Variants in SV2C observed in about 807,000 individuals in gnomAD.
The protein encoded by SV2C is solute carrier family 22 member B3.
A neutral mutation model predicts 79.7 loss-of-function variants in SV2C; 49 were observed. That is an observed-to-expected ratio of 0.61 (90% confidence interval 0.49 to 0.78). The LOEUF (loss-of-function observed/expected upper bound fraction) is 0.78, where lower values mean the gene tolerates loss of function less well. Ranked by LOEUF, SV2C falls within the 30% of genes least tolerant of loss-of-function variation. The probability of loss-of-function intolerance (pLI) is 0.00; values close to 1 mark genes in which losing one functional copy is unlikely to be tolerated. For synonymous variants in SV2C, 334 were observed against 333.2 expected, an observed-to-expected ratio of 1.00 and a Z score of -0.03; for missense variants, 833 against 912.9, an observed-to-expected ratio of 0.91 and a Z score of 1.13.
At chr5:75,926,442 C>G in the SV2C span, among the ~76,000 whole-genome samples, 11 of 152,132 alleles carry the variant, frequency 7.2e-5, no homozygotes, top group Non-Finnish European at 1.0e-4. Flanking sequence ...TTTTTTGGTT[C>G]AAAGAGTGAT....
chr5:75,948,071 A>G, the SV2C span, among the ~76,000 whole-genome samples: 287 of 152,122 alleles, frequency 1.9e-3, 1 homozygote, highest in African/African-American at 6.7e-3. Flanking sequence ...CCCTGTTTAG[A>G]TAAAATGGCC....
At chr5:75,989,944 A>T in the SV2C span, among the ~76,000 whole-genome samples, 10 of 148,172 alleles carry the variant, frequency 6.7e-5, no homozygotes, top group Non-Finnish European at 1.2e-4. Context: ...TTCTTTTGGG[A>T]AGTGCCTGTT....
At chr5:76,303,992 G>T (rs1044346434) in intron 12 of SV2C, among the ~76,000 whole-genome samples, 1 of 152,134 alleles carries the variant, frequency 6.6e-6, no homozygotes, top group African/African-American at 2.4e-5. Flanking sequence ...GGAGACCCAG[G>T]GATCATGACA....
intron 4 of SV2C, among the ~76,000 whole-genome samples, chr5:76,220,723 G>C (rs1343095441): frequency 6.6e-6 from 1 of 152,108 alleles, no homozygotes; most frequent in Non-Finnish European, 1.5e-5. Context: ...AAGCAGTCTG[G>C]ATAGAGGCAG....
At chr5:76,352,536 G>T (rs1382028617) in intron 12 of SV2C, among the ~76,000 whole-genome samples, 1 of 152,138 alleles carries the variant, frequency 6.6e-6, no homozygotes, top group Non-Finnish European at 1.5e-5. Flanking sequence ...GGACTTTCTT[G>T]CTTTTCTTCT....
the SV2C span, among the ~76,000 whole-genome samples, chr5:75,853,813 A>G: frequency 2.6e-5 from 4 of 151,696 alleles, no homozygotes; most frequent in Non-Finnish European, 5.9e-5. Context: ...GTAAAGACTG[A>G]GTCTTTGAGA....
chr5:76,063,329 A>G, the SV2C span, among the ~76,000 whole-genome samples: 1 of 152,144 alleles, frequency 6.6e-6, no homozygotes, highest in Non-Finnish European at 1.5e-5. Context: ...ATACGTAGGT[A>G]TGTGTCCTAG....
the SV2C span, among the ~76,000 whole-genome samples, chr5:76,046,271 C>A: frequency 6.6e-6 from 1 of 151,486 alleles, no homozygotes; most frequent in Non-Finnish European, 1.5e-5. Flanking sequence ...AAAGGCCACC[C>A]CATCACTGTA....
At chr5:76,086,469 G>T (rs1436261342) in intron 1 of SV2C, among the ~76,000 whole-genome samples, 5 of 152,152 alleles carry the variant, frequency 3.3e-5, no homozygotes, top group African/African-American at 1.2e-4. Context: ...CTCTTTTTCT[G>T]TGCAGCTATA....
the SV2C span, among the ~76,000 whole-genome samples, chr5:76,063,285 G>A: frequency 6.6e-6 from 1 of 152,108 alleles, no homozygotes; most frequent in Admixed American, 6.6e-5. Context: ...TAGAGGGGAA[G>A]CTAGGAATTC....
At chr5:76,097,940 C>T (rs544702168) in intron 1 of SV2C, among the ~76,000 whole-genome samples, 23 of 152,182 alleles carry the variant, frequency 1.5e-4, no homozygotes, top group African/African-American at 4.1e-4. Context: ...AATGTGCAAG[C>T]GTTTACCATA....
intron 4 of SV2C, among the ~76,000 whole-genome samples, chr5:76,256,048 A>G (rs1579992924): frequency 6.6e-6 from 1 of 152,176 alleles, no homozygotes; most frequent in Admixed American, 6.5e-5. Context: ...GCCCCATTAA[A>G]CATTTCTTCT....
chr5:75,979,461 T>C, the SV2C span, among the ~76,000 whole-genome samples: 1 of 135,222 alleles, frequency 7.4e-6, no homozygotes, highest in South Asian at 2.2e-4. Context: ...AGTCTAAAAT[T>C]GATCACATAA....
rs1303820805 is a variant in SV2C, at chr5:76,331,667, C to G, written c.*6120C>G. 6 of 152,234 alleles carry G rather than the reference C, an allele frequency of 3.9e-5. No homozygotes were observed. Among genetic ancestry groups the G allele is most frequent in the Admixed American group, 3.9e-4 (6 of 15,282 alleles). The allele number at this position is 152,234 out of a possible 1,614,324, so 9.4% of individuals were successfully genotyped here. A position where few individuals can be genotyped will look rare whatever the true frequency, so the allele number is the denominator to read the frequency against. ...GTGCCCACTCATTTCCTTTATTTCC[C>G]TTTTGTTTTTTTTCTTTTCCTCCTC... is the stretch of plus-strand genomic sequence containing the variant. On this transcript the variant is annotated 3_prime_UTR_variant, in exon 13 of 13. Transcript: ENST00000502798.
At chr5:76,299,206 GTTTA>G (rs949201336) in intron 10 of SV2C, among the ~76,000 whole-genome samples, 5 of 152,180 alleles carry the variant, frequency 3.3e-5, no homozygotes, top group Admixed American at 6.5e-5. Context: ...CTAACCTGTA[GTTTA>G]TTTGTTTTGA....
intron 1 of SV2C, among the ~76,000 whole-genome samples, chr5:76,086,932 G>A (rs1467691006): frequency 6.6e-6 from 1 of 152,142 alleles, no homozygotes; most frequent in Non-Finnish European, 1.5e-5. Flanking sequence ...CTATTGAGAG[G>A]TATTGAACAA....
the SV2C span, among the ~76,000 whole-genome samples, chr5:75,883,673 T>C: frequency 5.2e-5 from 6 of 115,400 alleles, no homozygotes; most frequent in Admixed American, 5.7e-4. Context: ...AACATCACAC[T>C]CTGGGGACTG....
chr5:75,970,112 T>C, the SV2C span, among the ~76,000 whole-genome samples: 2 of 152,052 alleles, frequency 1.3e-5, no homozygotes, highest in Admixed American at 1.3e-4. Flanking sequence ...ATAAAGATGT[T>C]CTTTGAAACC....
chr5:76,174,261 T>C (rs10805899), intron 2 of SV2C: 923,587 of 1,460,066 alleles, frequency 0.63, 298,403 homozygotes, highest in East Asian at 0.92. Context: ...CGTCGCCCCG[T>C]GCTCCCCGCG....
Sources: gnomAD v4.1 joint callset for allele counts (sites outside exome capture counted in the v4.1 genomes callset) on GRCh38, gnomAD v4.1.1 for gene constraint, MANE v1.5 for transcripts, NCBI Gene and HGNC (gene_info 2026-07-23, HGNC 2026-07-21) for gene names.